SAMMSON: variants seen among roughly 807,000 people sequenced by gnomAD.
SAMMSON encodes the protein survival associated mitochondrial melanoma specific oncogenic non-coding RNA.
chr3:70,325,477 A>G (rs899918215), intron 7 of SAMMSON, among the ~76,000 whole-genome samples: 1 of 152,208 alleles, frequency 6.6e-6, no homozygotes. Context: ...ATTTCAAAAG[A>G]GGAAATAATC....
At chr3:70,174,861 T>C (rs1700997862) in intron 4 of SAMMSON, among the ~76,000 whole-genome samples, 1 of 151,952 alleles carries the variant, frequency 6.6e-6, no homozygotes, top group Non-Finnish European at 1.5e-5. Context: ...AATTTCAAAA[T>C]CATGAACCAA....
intron 4 of SAMMSON, among the ~76,000 whole-genome samples, chr3:70,158,787 T>C (rs191498895): frequency 6.6e-6 from 1 of 152,102 alleles, no homozygotes; most frequent in African/African-American, 2.4e-5. Context: ...CAAATTTTAC[T>C]GAGTAGATTA....
intron 4 of SAMMSON, among the ~76,000 whole-genome samples, chr3:70,097,875 T>A (rs2067328188): frequency 6.6e-6 from 1 of 152,188 alleles, no homozygotes. Context: ...TCATAGTTCT[T>A]AAAATAAAGC....
intron 7 of SAMMSON, among the ~76,000 whole-genome samples, chr3:70,327,443 G>A (rs1702588017): frequency 6.6e-6 from 1 of 152,170 alleles, no homozygotes; most frequent in Non-Finnish European, 1.5e-5. Flanking sequence ...GACAGAGTCT[G>A]GTAGTAGGCC....
intron 3 of SAMMSON, among the ~76,000 whole-genome samples, chr3:70,045,934 C>T (rs527317843): frequency 6.6e-5 from 10 of 152,108 alleles, no homozygotes; most frequent in African/African-American, 1.9e-4. Context: ...TGTCAGCTAA[C>T]GAGAAACGCA....
intron 4 of SAMMSON, among the ~76,000 whole-genome samples, chr3:70,210,018 C>T (rs1701327795): frequency 1.3e-5 from 2 of 152,052 alleles, no homozygotes; most frequent in Admixed American, 1.3e-4. Context: ...AATTAATTAA[C>T]AATCAGTTCA....
At chr3:70,334,618 G>A (rs1702648344) in intron 7 of SAMMSON, among the ~76,000 whole-genome samples, 2 of 152,096 alleles carry the variant, frequency 1.3e-5, no homozygotes, top group East Asian at 3.9e-4. Flanking sequence ...TTAATTGTAT[G>A]TCTGGCACTG....
chr3:70,352,828 C>T (rs1489175148), intron 7 of SAMMSON, among the ~76,000 whole-genome samples: 1 of 152,002 alleles, frequency 6.6e-6, no homozygotes, highest in African/African-American at 2.4e-5. Context: ...TACCCAATTT[C>T]AAGACCTATT....
chr3:70,346,957 T>G (rs1210074850), intron 7 of SAMMSON, among the ~76,000 whole-genome samples: 8 of 152,188 alleles, frequency 5.3e-5, no homozygotes, highest in African/African-American at 1.9e-4. Flanking sequence ...AAACTGATTC[T>G]AAACCATTAT....
intron 6 of SAMMSON, among the ~76,000 whole-genome samples, chr3:70,286,853 CTGTT>C (rs1207090461): frequency 2.8e-4 from 43 of 152,184 alleles, no homozygotes; most frequent in Non-Finnish European, 2.6e-4. Flanking sequence ...ATTTGGCTCT[CTGTT>C]TGTCTGTTGT....
intron 2 of SAMMSON, among the ~76,000 whole-genome samples, chr3:70,432,889 T>C (rs1701426019): frequency 1.3e-5 from 2 of 152,086 alleles, no homozygotes; most frequent in South Asian, 4.1e-4. Context: ...CCTTTTTCAG[T>C]ATGTCATAAA....
intron 4 of SAMMSON, among the ~76,000 whole-genome samples, chr3:70,218,766 T>A (rs1248397191): frequency 1.3e-5 from 2 of 152,016 alleles, no homozygotes; most frequent in South Asian, 2.1e-4. Flanking sequence ...GAAAAAAAAA[T>A]TCTTCAGCAT....
intron 3 of SAMMSON, among the ~76,000 whole-genome samples, chr3:70,048,270 C>T (rs2067134361): frequency 6.6e-6 from 1 of 152,060 alleles, no homozygotes; most frequent in Non-Finnish European, 1.5e-5. Context: ...AATTAAGGTT[C>T]ATATCCTGGT....
intron 9 of SAMMSON, among the ~76,000 whole-genome samples, chr3:70,383,349 A>AT (rs1227522017): frequency 1.3e-5 from 2 of 148,978 alleles, no homozygotes; most frequent in African/African-American, 2.5e-5. Flanking sequence ...AATAAAAATA[A>AT]AAAAAAAAAA....
At chr3:70,284,639 A>G (rs9861113) in intron 6 of SAMMSON, among the ~76,000 whole-genome samples, 31,409 of 152,120 alleles carry the variant, frequency 0.21, 3,446 homozygotes, top group South Asian at 0.28. Context: ...AGAAATTAAC[A>G]CAGGAACAGA....
At chr3:70,403,463 C>T (rs1241986711) in intron 2 of SAMMSON, among the ~76,000 whole-genome samples, 3 of 152,218 alleles carry the variant, frequency 2.0e-5, no homozygotes, top group Non-Finnish European at 4.4e-5. Context: ...CACCTATCTT[C>T]AGGTAGTTCT....
At position 70,325,629 on chromosome 3, in the gene SAMMSON, A is replaced by G. The variant is rs558303922; in HGVS notation, n.740-28546A>G. Among the ~76,000 whole-genome samples, 63 of 152,262 alleles carry G rather than the reference A, an allele frequency of 4.1e-4. 1 individual carries two copies. The highest frequency in any genetic ancestry group is 1.5e-3 in the African/African-American group (62 of 41,568). Reference sequence around the variant, plus strand: ...CCATTTGCTCATTTCAAATTCTACTATTACTCTATCTGTCCCTCCACCTAC... The same window carrying G: ...CCATTTGCTCATTTCAAATTCTACTGTTACTCTATCTGTCCCTCCACCTAC... On this transcript the variant is annotated intron_variant and non_coding_transcript_variant, in intron 7 of 9. Coordinates refer to ENST00000642114, the Ensembl canonical transcript of SAMMSON.
At chr3:70,392,524 A>G (rs2106757991), downstream of SAMMSON, among the ~76,000 whole-genome samples, 1 of 152,204 alleles carries the variant, frequency 6.6e-6, no homozygotes, top group African/African-American at 2.4e-5. Flanking sequence ...GGCTCACCCT[A>G]GGCAAGGCCT....
At chr3:70,295,598 A>T (rs1050676433) in intron 7 of SAMMSON, among the ~76,000 whole-genome samples, 1 of 152,054 alleles carries the variant, frequency 6.6e-6, no homozygotes, top group African/African-American at 2.4e-5. Context: ...ATTCCTAAGT[A>T]CTTGGGAGAC....
Sources: gnomAD v4.1 joint callset for allele counts (sites outside exome capture counted in the v4.1 genomes callset) on GRCh38, gnomAD v4.1.1 for gene constraint, MANE v1.5 for transcripts, NCBI Gene and HGNC (gene_info 2026-07-23, HGNC 2026-07-21) for gene names.